Variants in RUNX3 observed in about 807,000 individuals in gnomAD.
RUNX3 encodes the protein RUNX family transcription factor 3, also known as runt-related transcription factor 3.
Under a neutral mutation model 27.7 loss-of-function variants are expected in RUNX3, and 10 were observed. The ratio of observed to expected loss-of-function variants is 0.36; its 90% confidence interval spans 0.22 to 0.61. The LOEUF (loss-of-function observed/expected upper bound fraction) is 0.61, where lower values mean the gene tolerates loss of function less well. Among genes scored for constraint, RUNX3 ranks in the 20% least tolerant of loss-of-function variants. The pLI is 0.72. For missense variants in RUNX3, 469 were observed against 629.5 expected (o/e 0.75, Z 2.73); for synonymous variants, 270 against 269.2 (o/e 1.00, Z -0.03).
rs1240027742 is a variant in RUNX3, at chr1:24,930,093, G to A, written c.-225C>T. On this transcript the variant is annotated 5_prime_UTR_variant, in exon 1 of 5. Transcript: ENST00000308873. The surrounding 1 kb of genome is among the most constrained non-coding windows in gnomAD (Gnocchi z 4.1). Reference sequence around the variant, plus strand: ...CGGCCGCCCGCAGCCTGCCCGGCTAGTCCCGCATCCTCGGCGCGCGGCCCC... The same window carrying A: ...CGGCCGCCCGCAGCCTGCCCGGCTAATCCCGCATCCTCGGCGCGCGGCCCC... 9.2e-6 allele frequency: 9 copies of A among 979,794 alleles called. No homozygotes were observed. The highest frequency in any genetic ancestry group is 1.1e-5 in the Non-Finnish European group (9 of 827,792). The allele number at this position is 979,794 out of a possible 1,614,324, so 60.7% of individuals were successfully genotyped here.
In RUNX3 at chr1:24,900,067, G is replaced by C. The variant is rs939562996; in HGVS notation, c.*2055C>G. The C allele has an allele frequency of 6.6e-6, 1 of 152,302 alleles. No individual in the cohort carries two copies. The highest frequency in any genetic ancestry group is 6.5e-5 in the Admixed American group (1 of 15,282). 9.4% of individuals were successfully genotyped at this position (152,302 alleles called of 1,614,324 possible). ...AGTGCTGGGCACTGGGAACCCAAAG[G>C]TGCCTCCCACGCTGACCTGGGACCA... On this transcript the variant is annotated 3_prime_UTR_variant, in exon 5 of 5. Transcript: ENST00000308873.
chr1:24,929,457 C>G (rs1313079159), intron 1 of RUNX3, 130 bp downstream of exon 1: 2 of 933,928 alleles, frequency 2.1e-6, no homozygotes, highest in Admixed American at 4.0e-5. Flanking sequence ...CAGACTGAAC[C>G]GGGTGCCCGG....
chr1:24,918,388 G>T (rs535482726), intron 3 of RUNX3, among the ~76,000 whole-genome samples: 1 of 152,278 alleles, frequency 6.6e-6, no homozygotes, highest in South Asian at 2.1e-4. Context: ...CTGGAACTTG[G>T]GTGACCCCTC....
chr1:24,918,960 C>G (rs1427924302), intron 3 of RUNX3, among the ~76,000 whole-genome samples: 2 of 152,238 alleles, frequency 1.3e-5, no homozygotes, highest in Non-Finnish European at 2.9e-5. Context: ...CGACAAATGC[C>G]ATATCTGAAA....
intron 2 of RUNX3, among the ~76,000 whole-genome samples, chr1:24,944,920 A>T (rs1641567388): frequency 6.6e-6 from 1 of 152,202 alleles, no homozygotes; most frequent in Non-Finnish European, 1.5e-5. Context: ...TGTTTTTTTT[A>T]AGGCACTAAA....
At position 24,943,224 on chromosome 1, in the gene RUNX3, A is replaced by G. The variant is rs749194922; in HGVS notation, c.59-13372T>C. Among the ~76,000 whole-genome samples the G allele has an allele frequency of 2.0e-4, 30 of 152,216 alleles. No homozygotes were observed. Among genetic ancestry groups the G allele is most frequent in the Admixed American group, 9.8e-4 (15 of 15,290 alleles). ...TTGTGGGGCAGGCATGCCACCCAGC[A>G]CGTGGGGGAGGCCAGGGCTTTGGGA... is the stretch of plus-strand genomic sequence containing the variant. On this transcript the variant is annotated intron_variant, in intron 2 of 6. Transcript: ENST00000338888. This position sits in a 1 kb window ranked among gnomAD's most constrained non-coding sequence, Gnocchi z 4.6.
In RUNX3 at chr1:24,902,294, C is replaced by G; in HGVS notation, c.1076G>C (p.Arg359Pro). 3 of 1,602,060 alleles carry G rather than the reference C, an allele frequency of 1.9e-6. No individual in the cohort carries two copies. The highest frequency in any genetic ancestry group is 2.6e-6 in the Non-Finnish European group (3 of 1,176,146). The change falls in exon 5 of 5, where the codon CGC becomes CCC. Residue 359 changes from arginine (R) to proline (P), a missense_variant. Arg to Pro is a moderately radical substitution (Grantham distance 103). Transcript: ENST00000308873. The surrounding 1 kb of genome is among the most constrained non-coding windows in gnomAD (Gnocchi z 9.2). ...SSSGGDRSPT[R>P]MLASCTSSAA... ...GCTGCTGGTGCAAGAGGCCAGCATG[C>G]GGGTAGGTGAGCGGTCGCCCCCACT...
chr1:24,930,202 C>G lies in RUNX3; in HGVS notation c.-334G>C. 1 of 980,970 alleles carries G rather than the reference C, an allele frequency of 1.0e-6. No individual in the cohort carries two copies. The highest frequency in any genetic ancestry group is 1.2e-6 in the Non-Finnish European group (1 of 827,992). 60.8% of individuals were successfully genotyped at this position (980,970 alleles called of 1,614,324 possible). A position where few individuals can be genotyped will look rare whatever the true frequency, so the allele number is the denominator to read the frequency against. On this transcript the variant is annotated 5_prime_UTR_variant, in exon 1 of 5. Transcript: ENST00000308873. The surrounding 1 kb of genome is among the most constrained non-coding windows in gnomAD (Gnocchi z 4.1). ...GGGCTGTGCCGCTGCCGCCGCCTCC[C>G]GCCCCGAAGCTCGCCCGCGGCCGCC...
chr1:24,928,344 T>G (rs1475407852), intron 1 of RUNX3, among the ~76,000 whole-genome samples: 1 of 152,118 alleles, frequency 6.6e-6, no homozygotes, highest in Admixed American at 6.5e-5. Context: ...GTGGGGCTTT[T>G]GATAATGGAA....
chr1:24,960,233 C>T (rs1642070362), intron 2 of RUNX3, among the ~76,000 whole-genome samples: 1 of 152,266 alleles, frequency 6.6e-6, no homozygotes, highest in South Asian at 2.1e-4. Flanking sequence ...AGGCCATGCT[C>T]ATGGTGTTCA....
chr1:24,941,744 C>T (rs766037336), intron 2 of RUNX3, among the ~76,000 whole-genome samples: 18 of 152,164 alleles, frequency 1.2e-4, no homozygotes, highest in Non-Finnish European at 4.4e-5. Context: ...GATCTGCTCC[C>T]AGAGTGATGC....
In RUNX3 at chr1:24,929,832, A is replaced by G; in HGVS notation, c.37T>C (p.Phe13Leu). The G allele has an allele frequency of 7.1e-7, 1 of 1,398,978 alleles. No individual in the cohort carries two copies. Among genetic ancestry groups the G allele is most frequent in the East Asian group, 2.9e-5 (1 of 34,018 alleles). 86.7% of individuals were successfully genotyped at this position (1,398,978 alleles called of 1,614,324 possible). A position where few individuals can be genotyped will look rare whatever the true frequency, so the allele number is the denominator to read the frequency against. The change falls in exon 1 of 5, where the codon TTC becomes CTC. Residue 13 changes from phenylalanine to leucine, a missense_variant. Phe to Leu is a conservative substitution (Grantham distance 22, BLOSUM62 0). Transcript: ENST00000308873. ...GGGAAGGCCGGGGAGGGAGGTGTGA[A>G]GCGGCGGCTGGTGCTTGGGTCTACG... ...IPVDPSTSRR[F>L]TPPSPAFPCG...
upstream of RUNX3, among the ~76,000 whole-genome samples, chr1:24,934,580 G>A (rs987683368): frequency 1.3e-5 from 2 of 152,180 alleles, no homozygotes; most frequent in African/African-American, 2.4e-5. Context: ...TGTGCCAGGC[G>A]CCGCACATGG....
chr1:24,948,524 G>A (rs1641671400), intron 2 of RUNX3, among the ~76,000 whole-genome samples: 1 of 152,148 alleles, frequency 6.6e-6, no homozygotes, highest in Non-Finnish European at 1.5e-5. Context: ...CCTGAAGGTG[G>A]GCACATGCAG....
At position 24,902,685 on chromosome 1, in the gene RUNX3, G is replaced by A. The variant is rs767913035; in HGVS notation, c.704-19C>T. ...GAGGTGCCTGGAGGACAGCAGGGAA[G>A]AGGTCAGTTCCAGCTCGAGACAACC... is the stretch of plus-strand genomic sequence containing the variant. On this transcript the variant is annotated intron_variant, in intron 4 of 4. Transcript: ENST00000308873. This position sits in a 1 kb window ranked among gnomAD's most constrained non-coding sequence, Gnocchi z 9.2. 3.3e-6 allele frequency: 5 copies of A among 1,508,600 alleles called. No individual in the cohort carries two copies. The African/African-American group carries it at 4.2e-5, about 13-fold the overall frequency. The allele number at this position is 1,508,600 out of a possible 1,614,324, so 93.5% of individuals were successfully genotyped here. A position where few individuals can be genotyped will look rare whatever the true frequency, so the allele number is the denominator to read the frequency against.
chr1:24,957,333 C>T (rs1325065511), intron 2 of RUNX3, among the ~76,000 whole-genome samples: 1 of 146,370 alleles, frequency 6.8e-6, no homozygotes. Flanking sequence ...CCCATTCATT[C>T]GTTCATCCAT....
At chr1:24,934,665 T>C (rs61370576), upstream of RUNX3, among the ~76,000 whole-genome samples, 1,376 of 152,196 alleles carry the variant, frequency 9.0e-3, 31 homozygotes, top group African/African-American at 0.031. Context: ...AAGAGGAACG[T>C]TGTCCGAGGT....
chr1:24,919,656 G>A (rs1640957798), intron 2 of RUNX3, among the ~76,000 whole-genome samples: 1 of 152,212 alleles, frequency 6.6e-6, no homozygotes, highest in Admixed American at 6.5e-5. Flanking sequence ...TTTTGTGGTG[G>A]GGAGCAGGAT....
rs748083603 is a variant in RUNX3 at position 24,902,636 on chromosome 1, G to C, written c.734C>G (p.Pro245Arg). The change falls in exon 5 of 5, where the codon CCC becomes CGC. Residue 245 changes from proline (P) to arginine (R), a missense_variant. Pro to Arg is a moderately radical substitution (Grantham distance 103, BLOSUM62 -2). Coordinates refer to ENST00000308873, the MANE Select transcript of RUNX3 (RefSeq NM_004350.3). The surrounding 1 kb of genome is among the most constrained non-coding windows in gnomAD (Gnocchi z 9.2). ...GTSELNPFSD[P>R]RQFDRSFPTL... Reference sequence around the variant, plus strand: ...GGGGAAGGAGCGGTCAAACTGGCGGGGGTCGGAGAATGGGTTCAGTTCCGA... The same window carrying C: ...GGGGAAGGAGCGGTCAAACTGGCGGCGGTCGGAGAATGGGTTCAGTTCCGA... 5.9e-6 allele frequency: 9 copies of C among 1,527,462 alleles called. No individual in the cohort carries two copies. Among genetic ancestry groups the C allele is most frequent in the Non-Finnish European group, 7.9e-6 (9 of 1,134,854 alleles). The allele number at this position is 1,527,462 out of a possible 1,614,324, so 94.6% of individuals were successfully genotyped here.
Sources: gnomAD v4.1 joint callset for allele counts (sites outside exome capture counted in the v4.1 genomes callset) on GRCh38, gnomAD v4.1.1 for gene constraint, Gnocchi (gnomAD v3.1) non-coding constraint, MANE v1.5 for transcripts, NCBI Gene and HGNC (gene_info 2026-07-23, HGNC 2026-07-21) for gene names.